Variants in COL19A1 observed in about 807,000 individuals in gnomAD.
The protein encoded by COL19A1 is collagen type XIX alpha 1 chain.
Under a neutral mutation model 190.2 loss-of-function variants are expected in COL19A1, and 159 were observed. The observed-to-expected ratio is 0.84, with a 90% CI of 0.73 to 0.95. The LOEUF is 0.95. COL19A1 is among the 40% of genes least tolerant of loss of function. The probability of loss-of-function intolerance (pLI) is 0.00; values close to 1 mark genes in which losing one functional copy is unlikely to be tolerated. For missense variants in COL19A1, 1,418 were observed against 1,431.9 expected (o/e 0.99, Z 0.16); for synonymous variants, 509 against 458.9 (o/e 1.11, Z -1.39).
chr6:69,953,065 C>T (rs1168779418), intron 9 of COL19A1, among the ~76,000 whole-genome samples: 1 of 151,806 alleles, frequency 6.6e-6, no homozygotes, highest in Non-Finnish European at 1.5e-5. Context: ...AAGTTTAAAA[C>T]ATAATTTAAA....
intron 11 of COL19A1, among the ~76,000 whole-genome samples, chr6:70,008,204 G>T (rs192038862): frequency 1.3e-5 from 2 of 151,540 alleles, no homozygotes; most frequent in African/African-American, 2.4e-5. Flanking sequence ...AATAAAAATG[G>T]GAAAAAAATA....
At chr6:69,954,444 A>T (rs965650062) in intron 9 of COL19A1, among the ~76,000 whole-genome samples, 4 of 152,020 alleles carry the variant, frequency 2.6e-5, no homozygotes, top group Non-Finnish European at 4.4e-5. Context: ...ATAGAGAATG[A>T]CTGTTAGAAA....
At chr6:70,060,192 G>A (rs1582807354) in intron 14 of COL19A1, among the ~76,000 whole-genome samples, 2 of 152,172 alleles carry the variant, frequency 1.3e-5, no homozygotes, top group East Asian at 3.9e-4. Context: ...TCTCCAATGT[G>A]GTAATTAAGT....
intron 4 of COL19A1, among the ~76,000 whole-genome samples, chr6:69,925,631 T>G (rs1047888143): frequency 6.6e-6 from 1 of 152,174 alleles, no homozygotes; most frequent in African/African-American, 2.4e-5. Context: ...AGAAAGTCAT[T>G]GGTAGCTTGA....
intron 11 of COL19A1, among the ~76,000 whole-genome samples, chr6:69,990,944 G>A (rs1012142571): frequency 5.3e-5 from 8 of 151,982 alleles, no homozygotes; most frequent in Admixed American, 3.3e-4. Context: ...TGTTACATGA[G>A]TAAATTGTGT....
chr6:70,186,401 A>ATATTTTTATATATTAGT (rs1766514680), intron 46 of COL19A1, among the ~76,000 whole-genome samples: 1 of 152,194 alleles, frequency 6.6e-6, no homozygotes, highest in South Asian at 2.1e-4. Context: ...CTGTATGCAG[A>ATATTTTTATATATTAGT]TATATTTTTA....
chr6:70,196,439 T>C (rs1767201120), intron 48 of COL19A1, among the ~76,000 whole-genome samples: 2 of 152,226 alleles, frequency 1.3e-5, no homozygotes, highest in African/African-American at 4.8e-5. Flanking sequence ...ATTGAAGTTA[T>C]ACCAAGAAAA....
chr6:70,048,685 T>A (rs1044242807), intron 14 of COL19A1, among the ~76,000 whole-genome samples: 1 of 151,866 alleles, frequency 6.6e-6, no homozygotes, highest in Admixed American at 6.6e-5. Flanking sequence ...TAATTTAAAG[T>A]TATTTACTTT....
intron 19 of COL19A1, 29 bp from the exon 20 acceptor site, chr6:70,140,925 T>C: frequency 6.2e-7 from 1 of 1,608,156 alleles, no homozygotes; most frequent in Non-Finnish European, 8.5e-7. Context: ...TAAGAGCGTT[T>C]AATTCTATTT....
At chr6:69,905,595 A>C in intron 4 of COL19A1, among the ~76,000 whole-genome samples, 1 of 152,248 alleles carries the variant, frequency 6.6e-6, no homozygotes, top group East Asian at 1.9e-4. Context: ...CGTAGGGCCA[A>C]GGGATGGCCT....
At chr6:70,104,204 A>G (rs1485033753) in intron 16 of COL19A1, among the ~76,000 whole-genome samples, 2 of 152,192 alleles carry the variant, frequency 1.3e-5, no homozygotes, top group East Asian at 1.9e-4. Context: ...GGGTGTCTGC[A>G]TTAGTCCATT....
chr6:70,036,373 C>T (rs1457023705), intron 14 of COL19A1, among the ~76,000 whole-genome samples: 2 of 152,158 alleles, frequency 1.3e-5, no homozygotes. Context: ...TTACATTCTC[C>T]CAACACTTTC....
At chr6:70,170,359 T>C (rs1213940797) in intron 40 of COL19A1, among the ~76,000 whole-genome samples, 4 of 152,186 alleles carry the variant, frequency 2.6e-5, no homozygotes. Context: ...AGAAGTCTTT[T>C]TGAGGTTGGA....
intron 9 of COL19A1, among the ~76,000 whole-genome samples, chr6:69,943,047 A>G (rs1455177141): frequency 6.6e-6 from 1 of 151,890 alleles, no homozygotes. Flanking sequence ...TTTCTCCACA[A>G]CTTTGGTAGC....
At chr6:69,952,339 A>G (rs577554276) in intron 9 of COL19A1, among the ~76,000 whole-genome samples, 2 of 152,020 alleles carry the variant, frequency 1.3e-5, no homozygotes, top group African/African-American at 4.8e-5. Context: ...GCCCACGTCC[A>G]GGCAGCTCAA....
In COL19A1 at chr6:70,188,086, G is replaced by A. The variant is rs1427074024; in HGVS notation, c.2868G>A (p.Gly956=). The A allele has an allele frequency of 6.2e-7, 1 of 1,613,428 alleles. No homozygotes were observed. The highest frequency in any genetic ancestry group is 2.2e-5 in the East Asian group (1 of 44,874). The change falls in exon 47 of 51, where the codon GGG becomes GGA. Residue 956 remains glycine (G), a synonymous_variant. Transcript: ENST00000620364. ...RGPKGERGDQ[G]IPGDRGSQGE... ...TTTTTCCTTAACAGGGTGATCAGGGGATTCCAGGAGACAGAGGCTCACAAG... is the reference window on the plus strand; with the variant it reads ...TTTTTCCTTAACAGGGTGATCAGGGAATTCCAGGAGACAGAGGCTCACAAG...
At position 70,007,064 on chromosome 6, in the gene COL19A1, A is replaced by G. The variant is rs1777682642; in HGVS notation, c.1027-16563A>G. Among the ~76,000 whole-genome samples, 3 of 152,162 alleles carry G rather than the reference A, an allele frequency of 2.0e-5. No individual in the cohort carries two copies. In the South Asian group the frequency reaches 6.2e-4, roughly 32 times the overall value. ...TATAGAAATAACTAAATAACAAAAT[A>G]GAAACCTTTACCCAACCCAATGTTA... On this transcript the variant is annotated intron_variant, in intron 11 of 50. Coordinates refer to ENST00000620364, the MANE Select transcript of COL19A1 (RefSeq NM_001858.6).
chr6:70,156,082 C>T (rs751676821), intron 31 of COL19A1, 45 bp from the exon 32 acceptor site: 90 of 1,557,876 alleles, frequency 5.8e-5, no homozygotes, highest in Non-Finnish European at 7.3e-5. Context: ...CCTTTATAGA[C>T]GGCTTTTATG....
chr6:69,875,014 G>A (rs1325751962), intron 1 of COL19A1, among the ~76,000 whole-genome samples: 1 of 152,176 alleles, frequency 6.6e-6, no homozygotes, highest in African/African-American at 2.4e-5. Flanking sequence ...TGATGGACAA[G>A]ACAGATATAG....
Sources: allele counts gnomAD v4.1 joint callset (sites outside exome capture counted in the v4.1 genomes callset), GRCh38; gene constraint gnomAD v4.1.1; transcripts MANE v1.5; gene names NCBI Gene and HGNC (gene_info 2026-07-23, HGNC 2026-07-21).